L3MBTL4: variants seen among roughly 807,000 people sequenced by gnomAD.
The protein encoded by L3MBTL4 is L3MBTL histone methyl-lysine binding protein 4.
L3MBTL4 carries 70 observed loss-of-function variants against 84.5 expected under a neutral mutation model. That is an observed-to-expected ratio of 0.83 (90% confidence interval 0.68 to 1.01). The LOEUF is 1.01. L3MBTL4 is among the 50% of genes least tolerant of loss of function. The pLI, the probability that L3MBTL4 is intolerant of heterozygous loss-of-function variation, is 0.00. For synonymous variants in L3MBTL4, 274 were observed against 259.8 expected (o/e 1.05, Z -0.52); for missense variants, 715 against 754.8 (o/e 0.95, Z 0.62).
intron 4 of L3MBTL4, among the ~76,000 whole-genome samples, chr18:6,290,744 T>C (rs2049826143): frequency 6.6e-6 from 1 of 151,950 alleles, no homozygotes; most frequent in African/African-American, 2.4e-5. Context: ...GCCAGGCTTG[T>C]CTCGAACTCC....
intron 4 of L3MBTL4, among the ~76,000 whole-genome samples, chr18:6,274,245 T>G (rs961706604): frequency 3.3e-5 from 5 of 152,082 alleles, no homozygotes; most frequent in Admixed American, 3.3e-4. Flanking sequence ...TCAGTGAAAA[T>G]GTGGGCCTCT....
At chr18:6,331,368 T>C (rs1002894801) in intron 1 of L3MBTL4, among the ~76,000 whole-genome samples, 3 of 152,180 alleles carry the variant, frequency 2.0e-5, no homozygotes, top group African/African-American at 7.2e-5. Flanking sequence ...AACATAGGTG[T>C]GGAGGTCCAA....
intron 1 of L3MBTL4, among the ~76,000 whole-genome samples, chr18:6,407,212 C>G (rs1166225487): frequency 6.6e-6 from 1 of 152,202 alleles, no homozygotes; most frequent in Non-Finnish European, 1.5e-5. Context: ...ATGGGCATCA[C>G]CGATTCACAC....
At chr18:6,031,941 T>A in intron 16 of L3MBTL4, 1 of 652,308 alleles carries the variant, frequency 1.5e-6, no homozygotes, top group Non-Finnish European at 1.9e-6. Flanking sequence ...TTGTACCCAT[T>A]AAAAGGAATT....
At chr18:6,280,979 T>C (rs1474772791) in intron 4 of L3MBTL4, among the ~76,000 whole-genome samples, 2 of 151,892 alleles carry the variant, frequency 1.3e-5, no homozygotes, top group African/African-American at 4.8e-5. Context: ...CCTACAGAAC[T>C]GTAAGATAAT....
chr18:6,288,801 G>A (rs1241936004), intron 4 of L3MBTL4, among the ~76,000 whole-genome samples: 1 of 151,360 alleles, frequency 6.6e-6, no homozygotes, highest in African/African-American at 2.4e-5. Flanking sequence ...ATAAATGTTA[G>A]GTAATGGTAA....
chr18:6,288,057 G>A (rs987343601), intron 4 of L3MBTL4, among the ~76,000 whole-genome samples: 3 of 152,092 alleles, frequency 2.0e-5, no homozygotes, highest in Non-Finnish European at 2.9e-5. Flanking sequence ...AAATAAAAGA[G>A]AAATCTTAAA....
At position 6,200,891 on chromosome 18, in the gene L3MBTL4, C is replaced by T. The variant is rs2045621834; in HGVS notation, c.981+12258G>A. 2.6e-5 allele frequency among the ~76,000 whole-genome samples: 4 copies of T among 152,292 alleles called. 1 individual carries two copies. In the South Asian group the frequency reaches 8.3e-4, roughly 32 times the overall value. On this transcript the variant is annotated intron_variant, in intron 12 of 18. Coordinates refer to ENST00000317931, the MANE Select transcript of L3MBTL4 (RefSeq NM_001330559.2). ...TTAGTTAATGCCAAAGGCTAGTGCACATTTGTTTTGCATAAGGAATAAATA... is the reference window on the plus strand; with the variant it reads ...TTAGTTAATGCCAAAGGCTAGTGCATATTTGTTTTGCATAAGGAATAAATA...
At chr18:6,302,617 G>A (rs965886811) in intron 3 of L3MBTL4, among the ~76,000 whole-genome samples, 14 of 152,180 alleles carry the variant, frequency 9.2e-5, no homozygotes, top group African/African-American at 3.4e-4. Context: ...ATAACAAAGA[G>A]CATTTTGAAA....
rs117504705 is a variant in L3MBTL4, at chr18:6,327,715, C to T, written c.-90-15659G>A. Reference sequence around the variant, plus strand: ...TTCTTTCAAAAAGCAGAAGCAAGTGCGGCAAAATACTGAGATTAGTAAATC... The same window carrying T: ...TTCTTTCAAAAAGCAGAAGCAAGTGTGGCAAAATACTGAGATTAGTAAATC... On this transcript the variant is annotated intron_variant, in intron 1 of 18. Transcript: ENST00000317931. Among the ~76,000 whole-genome samples the T allele has an allele frequency of 4.3e-4, 66 of 152,226 alleles. 2 individuals carry two copies. The East Asian group carries it at 9.9e-3, about 23-fold the overall frequency.
chr18:6,099,515 A>G (rs12968254), intron 14 of L3MBTL4, among the ~76,000 whole-genome samples: 34,836 of 145,152 alleles, frequency 0.24, 6,420 homozygotes, highest in African/African-American at 0.52. Context: ...GATTTTTATT[A>G]CATTGTCCTC....
intron 16 of L3MBTL4, among the ~76,000 whole-genome samples, chr18:6,049,597 A>G (rs1460113308): frequency 1.3e-5 from 2 of 152,222 alleles, no homozygotes; most frequent in Non-Finnish European, 1.5e-5. Context: ...CCATTATCTT[A>G]AGTGAATTAA....
intron 14 of L3MBTL4, among the ~76,000 whole-genome samples, chr18:6,106,664 T>C (rs928890563): frequency 6.6e-6 from 1 of 152,238 alleles, no homozygotes; most frequent in Non-Finnish European, 1.5e-5. Flanking sequence ...AGCTCTATCC[T>C]AGCAAGTTTT....
At chr18:5,958,966 T>C (rs2095248380) in intron 18 of L3MBTL4, among the ~76,000 whole-genome samples, 1 of 152,160 alleles carries the variant, frequency 6.6e-6, no homozygotes, top group Non-Finnish European at 1.5e-5. Flanking sequence ...GTAGACTGTA[T>C]GTGTGAACGT....
intron 16 of L3MBTL4, chr18:6,032,051 C>G (rs1362022806): frequency 5.1e-6 from 1 of 195,940 alleles, no homozygotes; most frequent in African/African-American, 2.4e-5. Flanking sequence ...AATCTCAGGT[C>G]AGTGTAATCT....
chr18:6,351,833 G>A (rs922548633), intron 1 of L3MBTL4, among the ~76,000 whole-genome samples: 7 of 152,044 alleles, frequency 4.6e-5, no homozygotes, highest in African/African-American at 1.7e-4. Flanking sequence ...TTACAGGCGT[G>A]AGCAACCGCG....
At chr18:6,411,234 T>C (rs1204930713) in intron 1 of L3MBTL4, among the ~76,000 whole-genome samples, 3 of 151,576 alleles carry the variant, frequency 2.0e-5, no homozygotes, top group African/African-American at 4.9e-5. Flanking sequence ...ATATTTATAC[T>C]GCTTGCTGTT....
intron 1 of L3MBTL4, among the ~76,000 whole-genome samples, chr18:6,403,448 A>G (rs2144672442): frequency 6.6e-6 from 1 of 152,336 alleles, no homozygotes; most frequent in Admixed American, 6.5e-5. Context: ...AATCTATTAT[A>G]ACCTATTATA....
rs1452947888 is a variant in L3MBTL4 at position 6,230,883 on chromosome 18, T to C, written c.784+7081A>G. On this transcript the variant is annotated intron_variant, in intron 10 of 18. Coordinates refer to ENST00000317931, the MANE Select transcript of L3MBTL4 (RefSeq NM_001330559.2). ...TGCTTGTCAGCTACATATATGTCTT[T>C]TGAAAAAATGTCTGTTCATGTCCTT... Among the ~76,000 whole-genome samples the C allele has an allele frequency of 7.9e-5, 12 of 152,276 alleles. No homozygotes were observed. In the East Asian group the frequency reaches 2.3e-3, roughly 29 times the overall value.
Sources: gnomAD v4.1 joint callset for allele counts (sites outside exome capture counted in the v4.1 genomes callset) on GRCh38, gnomAD v4.1.1 for gene constraint, MANE v1.5 for transcripts, NCBI Gene and HGNC (gene_info 2026-07-23, HGNC 2026-07-21) for gene names.